SPTLC2: variants seen among roughly 807,000 people sequenced by gnomAD.
The protein encoded by SPTLC2 is serine palmitoyltransferase long chain base subunit 2, also known as serine palmitoyltransferase 2.
In SPTLC2, 21 loss-of-function variants were observed where a neutral mutation model predicts 62.0. The ratio of observed to expected loss-of-function variants is 0.34; its 90% CI spans 0.24 to 0.49. The LOEUF (loss-of-function observed/expected upper bound fraction) is 0.49. Among genes scored for constraint, SPTLC2 ranks in the 20% least tolerant of loss-of-function variants. SPTLC2 has a pLI of 0.99. For synonymous variants in SPTLC2, 261 were observed against 261.8 expected, an observed-to-expected ratio of 1.00 and a Z score of 0.03; for missense variants, 511 against 713.0, an observed-to-expected ratio of 0.72 and a Z score of 3.23.
intron 1 of SPTLC2, among the ~76,000 whole-genome samples, chr14:77,608,394 TATC>T (rs2079916278): frequency 1.3e-5 from 2 of 152,208 alleles, no homozygotes; most frequent in Admixed American, 6.5e-5. Flanking sequence ...ACACAGTAAT[TATC>T]ATCAAAAAAA....
intron 9 of SPTLC2, among the ~76,000 whole-genome samples, chr14:77,523,499 C>T (rs1381780020): frequency 6.6e-6 from 1 of 152,116 alleles, no homozygotes; most frequent in African/African-American, 2.4e-5. Context: ...GATGAGAGAG[C>T]TTTAGAGATC....
chr14:77,557,097 C>T lies in SPTLC2; in HGVS notation c.900G>A (p.Gln300=), dbSNP rs571524943. 25 of 1,613,970 alleles carry T rather than the reference C, an allele frequency of 1.5e-5. 1 individual carries two copies. In the South Asian group the frequency reaches 2.4e-4, roughly 16 times the overall value. Residue 300 remains glutamine (Q), a synonymous_variant, in exon 7 of 12, where the codon CAG becomes CAA. Coordinates refer to ENST00000216484, the MANE Select transcript of SPTLC2 (RefSeq NM_004863.4). ...KLLKDAIVYG[Q]PRTRRPWKKI... is the part of the protein sequence containing the mutation. ...TCTTCCAGGGCCTTCGTGTCCGAGG[C>T]TGACCATAAACAATGGCATCTTTCA...
chr14:77,596,111 G>C (rs1028965446), intron 2 of SPTLC2, among the ~76,000 whole-genome samples: 3 of 152,142 alleles, frequency 2.0e-5, no homozygotes, highest in Non-Finnish European at 4.4e-5. Flanking sequence ...GCCGAGGTGG[G>C]TGGATCACAA....
chr14:77,577,273 G>A (rs546706758), intron 3 of SPTLC2, among the ~76,000 whole-genome samples: 2 of 152,056 alleles, frequency 1.3e-5, no homozygotes, highest in East Asian at 3.9e-4. Flanking sequence ...TACACATGAG[G>A]ATCCTTTGAG....
chr14:77,590,467 T>TTGGGAGGCCGC (rs2079809640), intron 2 of SPTLC2, among the ~76,000 whole-genome samples: 1 of 152,128 alleles, frequency 6.6e-6, no homozygotes, highest in Admixed American at 6.5e-5. Context: ...TCCCAGCACT[T>TTGGGAGGCCGC]TGGGAGGCCG....
At chr14:77,542,325 T>C (rs761578227) in intron 9 of SPTLC2, among the ~76,000 whole-genome samples, 5 of 152,224 alleles carry the variant, frequency 3.3e-5, no homozygotes, top group East Asian at 1.9e-4. Flanking sequence ...ACAGGACAGA[T>C]TGATTTTAAC....
chr14:77,549,227 CAA>C (rs35256374), intron 9 of SPTLC2, among the ~76,000 whole-genome samples: 1 of 142,834 alleles, frequency 7.0e-6, no homozygotes, highest in Admixed American at 6.9e-5. Flanking sequence ...GACTGCATCT[CAA>C]AAAAAAAAAA....
intron 4 of SPTLC2, among the ~76,000 whole-genome samples, chr14:77,574,844 G>T (rs2079705393): frequency 6.6e-6 from 1 of 152,160 alleles, no homozygotes; most frequent in African/African-American, 2.4e-5. Flanking sequence ...CTTGTAGGGG[G>T]AAGGGAAACA....
chr14:77,576,003 T>A (rs1384045783), intron 4 of SPTLC2, among the ~76,000 whole-genome samples: 1 of 152,142 alleles, frequency 6.6e-6, no homozygotes, highest in Non-Finnish European at 1.5e-5. Context: ...AGGCTTCATG[T>A]CTCCAGCCAT....
At chr14:77,595,602 T>A (rs192273828) in intron 2 of SPTLC2, among the ~76,000 whole-genome samples, 67 of 152,256 alleles carry the variant, frequency 4.4e-4, no homozygotes, top group African/African-American at 1.6e-3. Flanking sequence ...AATCTTGAGT[T>A]CTCCCAGGAG....
At chr14:77,559,309 C>A (rs1312073730) in intron 6 of SPTLC2, among the ~76,000 whole-genome samples, 1 of 151,872 alleles carries the variant, frequency 6.6e-6, no homozygotes, top group Non-Finnish European at 1.5e-5. Context: ...GGTGACAGAG[C>A]AAGACTGTTT....
chr14:77,551,146 C>T (rs138965882), intron 9 of SPTLC2, among the ~76,000 whole-genome samples: 3,489 of 152,182 alleles, frequency 0.023, 126 homozygotes, highest in African/African-American at 0.08. Flanking sequence ...GTAATCCCAG[C>T]ACTTTGGGAG....
chr14:77,553,547 C>G (rs889660061), intron 8 of SPTLC2, among the ~76,000 whole-genome samples: 1 of 151,684 alleles, frequency 6.6e-6, no homozygotes, highest in Non-Finnish European at 1.5e-5. Flanking sequence ...CTGGCCAACA[C>G]GGTGAAACCC....
chr14:77,556,395 A>ACCC (rs2079584219), intron 7 of SPTLC2, among the ~76,000 whole-genome samples: 3 of 152,162 alleles, frequency 2.0e-5, no homozygotes, highest in Admixed American at 2.0e-4. Flanking sequence ...AAAATAATTA[A>ACCC]GGTCACAGCA....
chr14:77,549,376 T>C (rs1028313527), intron 9 of SPTLC2, among the ~76,000 whole-genome samples: 5 of 152,178 alleles, frequency 3.3e-5, no homozygotes, highest in African/African-American at 9.7e-5. Context: ...GCCAGGTTCT[T>C]TGGAATGCTT....
In SPTLC2 at chr14:77,509,917, A is replaced by C; in HGVS notation, c.*2367T>G. 2.5e-6 allele frequency: 1 copy of C among 398,450 alleles called. No homozygotes were observed. The allele number at this position is 398,450 out of a possible 1,614,324, so 24.7% of individuals were successfully genotyped here. A position where few individuals can be genotyped will look rare whatever the true frequency, so the allele number is the denominator to read the frequency against. ...ATATATTTTAAATGCCGGTACTGAC[A>C]TTTGAATTTGCAGTGACTTCATGCA... On this transcript the variant is annotated 3_prime_UTR_variant, in exon 12 of 12. Coordinates refer to ENST00000216484, the MANE Select transcript of SPTLC2 (RefSeq NM_004863.4).
At chr14:77,513,016 C>CATTT (rs2079340539) in intron 11 of SPTLC2, among the ~76,000 whole-genome samples, 1 of 62,820 alleles carries the variant, frequency 1.6e-5, no homozygotes, top group South Asian at 7.6e-4. Context: ...AACCCAGCAA[C>CATTT]TTTTTTTTTT....
intron 9 of SPTLC2, among the ~76,000 whole-genome samples, chr14:77,532,099 G>A (rs1003414687): frequency 6.6e-6 from 1 of 152,096 alleles, no homozygotes; most frequent in African/African-American, 2.4e-5. Flanking sequence ...AATATTACAG[G>A]TGTGGGCTCA....
chr14:77,592,074 A>T (rs1359141837), intron 2 of SPTLC2, among the ~76,000 whole-genome samples: 1 of 151,704 alleles, frequency 6.6e-6, no homozygotes, highest in African/African-American at 2.4e-5. Context: ...AAGAAGACAA[A>T]CCAAACAATC....
Sources: gnomAD v4.1 joint callset for allele counts (sites outside exome capture counted in the v4.1 genomes callset) on GRCh38, gnomAD v4.1.1 for gene constraint, MANE v1.5 for transcripts, NCBI Gene and HGNC (gene_info 2026-07-23, HGNC 2026-07-21) for gene names.